The following CHORDC1 variants were observed in gnomAD, a reference collection of about 807,000 sequenced individuals.
The protein encoded by CHORDC1 is cysteine and histidine rich domain containing 1.
CHORDC1 carries 25 observed loss-of-function variants against 48.3 expected under a neutral mutation model. That is an observed-to-expected ratio of 0.52 (90% confidence interval 0.38 to 0.72). The LOEUF is 0.72. Among genes scored for constraint, CHORDC1 ranks in the 30% least tolerant of loss-of-function variants. CHORDC1 has a pLI of 0.00. For missense variants in CHORDC1, 317 were observed against 388.7 expected (o/e 0.82, Z 1.55); for synonymous variants, 128 against 126.4 (o/e 1.01, Z -0.09).
intron 6 of CHORDC1, 152 bp from the exon 7 acceptor site, chr11:90,206,424 T>C: frequency 1.8e-6 from 1 of 562,056 alleles, no homozygotes; most frequent in Non-Finnish European, 3.2e-6. Context: ...CGCCATTCTG[T>C]TAAAAAATGA....
chr11:90,207,078 C>G (rs1857716793), intron 6 of CHORDC1: 1 of 224,690 alleles, frequency 4.5e-6, no homozygotes, highest in Non-Finnish European at 9.1e-6. Flanking sequence ...TGGCACCGTA[C>G]AGACTCAGTT....
intron 2 of CHORDC1, among the ~76,000 whole-genome samples, chr11:90,215,885 C>G (rs1043542962): frequency 2.1e-4 from 32 of 152,112 alleles, no homozygotes; most frequent in African/African-American, 7.2e-4. Context: ...AATCTCAAAA[C>G]TTGGAACTTC....
chr11:90,202,958 A>G (rs1857578808), intron 9 of CHORDC1, 83 bp from the exon 10 acceptor site: 62 of 1,428,186 alleles, frequency 4.3e-5, no homozygotes, highest in Non-Finnish European at 5.8e-5. Context: ...AATAAGACTG[A>G]CAAAAATGAA....
At chr11:90,218,290 G>T (rs931886312) in intron 1 of CHORDC1, 106 bp from the exon 2 acceptor site, 2 of 737,776 alleles carry the variant, frequency 2.7e-6, no homozygotes, top group Non-Finnish European at 2.1e-6. Flanking sequence ...TTTTCCAAAC[G>T]CAAGTACCTT....
At chr11:90,205,255 CA>C (rs1857647767) in intron 8 of CHORDC1, among the ~76,000 whole-genome samples, 1 of 152,162 alleles carries the variant, frequency 6.6e-6, no homozygotes, top group Non-Finnish European at 1.5e-5. Context: ...ATGCTTGCAT[CA>C]AAACAGACAA....
At chr11:90,209,179 G>C (rs1411822068) in intron 6 of CHORDC1, 7 of 151,946 alleles carry the variant, frequency 4.6e-5, no homozygotes, top group African/African-American at 1.7e-4. Context: ...AAATACAATT[G>C]TATCTCCATT....
chr11:90,206,888 T>C (rs541181153), intron 6 of CHORDC1: 3 of 541,262 alleles, frequency 5.5e-6, no homozygotes, highest in East Asian at 6.8e-5. Context: ...TTTGTATTTA[T>C]AGCACTACCT....
intron 3 of CHORDC1, among the ~76,000 whole-genome samples, chr11:90,214,799 G>C (rs1484434965): frequency 6.6e-6 from 1 of 151,942 alleles, no homozygotes; most frequent in Non-Finnish European, 1.5e-5. Context: ...AGTTTTCTTA[G>C]TGGTATATAA....
intron 1 of CHORDC1, chr11:90,222,531 C>T: frequency 2.1e-6 from 1 of 473,106 alleles, no homozygotes; most frequent in Non-Finnish European, 4.0e-6. Context: ...ACCAGTACCT[C>T]GTTAATTTTT....
intron 2 of CHORDC1, among the ~76,000 whole-genome samples, chr11:90,215,904 A>G (rs999618478): frequency 3.3e-5 from 5 of 152,078 alleles, no homozygotes; most frequent in Admixed American, 1.3e-4. Context: ...TCAGATTAAG[A>G]TTTGGGACTA....
At chr11:90,212,495 A>T (rs1857899831) in intron 4 of CHORDC1, 1 of 152,034 alleles carries the variant, frequency 6.6e-6, no homozygotes, top group Non-Finnish European at 1.5e-5. Flanking sequence ...ATACACCTAT[A>T]GTTCCGGGGA....
chr11:90,210,465 G>T, intron 6 of CHORDC1, 71 bp downstream of exon 6: 2 of 910,232 alleles, frequency 2.2e-6, no homozygotes, highest in Non-Finnish European at 3.6e-6. Context: ...GTTGAATTGA[G>T]TCAGCAAACT....
At chr11:90,202,582 C>A in intron 10 of CHORDC1, 31 bp from the exon 11 acceptor site, 2 of 1,604,786 alleles carry the variant, frequency 1.2e-6, no homozygotes, top group Middle Eastern at 1.7e-4. Flanking sequence ...TTACAGGAAA[C>A]CTCAGTAGTT....
At position 90,200,712 on chromosome 11, in the gene CHORDC1, C is replaced by T. The variant is rs182535804; in HGVS notation, c.*1693G>A. Among the ~76,000 whole-genome samples, 231 of 151,990 alleles carry T rather than the reference C, an allele frequency of 1.5e-3. No homozygotes were observed. Among genetic ancestry groups the T allele is most frequent in the African/African-American group, 5.4e-3 (223 of 41,528 alleles). Reference sequence around the variant, plus strand: ...TAACTAATCTGAGGTTACAATAACTCACTGCTTCAAATAATATTTCAATTA... The same window carrying T: ...TAACTAATCTGAGGTTACAATAACTTACTGCTTCAAATAATATTTCAATTA... On this transcript the variant is annotated 3_prime_UTR_variant, in exon 11 of 11. Transcript: ENST00000320585.
At chr11:90,219,305 T>C (rs1858103569) in intron 1 of CHORDC1, among the ~76,000 whole-genome samples, 1 of 152,252 alleles carries the variant, frequency 6.6e-6, no homozygotes, top group East Asian at 1.9e-4. Flanking sequence ...CTACAGCCTA[T>C]TTTCTAGATT....
rs767005460 is a variant in CHORDC1 at position 90,213,441 on chromosome 11, A to G, written c.329+577T>C. The G allele has an allele frequency of 1.3e-4, 91 of 696,130 alleles. 2 individuals carry two copies. The highest frequency in any genetic ancestry group is 8.2e-4 in the South Asian group (54 of 66,210). 43.1% of individuals were successfully genotyped at this position (696,130 alleles called of 1,614,324 possible). A position where few individuals can be genotyped will look rare whatever the true frequency, so the allele number is the denominator to read the frequency against. On this transcript the variant is annotated intron_variant, in intron 4 of 10. Coordinates refer to ENST00000320585, the MANE Select transcript of CHORDC1 (RefSeq NM_012124.3). The stretch of plus-strand genomic sequence containing the variant: ...AAGACCTGGTTCAACAAAGGTACTC[A>G]ATATACATGTGTGGGAATACAGAGT...
intron 6 of CHORDC1, chr11:90,207,337 G>A (rs1232095806): frequency 6.5e-6 from 1 of 153,642 alleles, no homozygotes; most frequent in African/African-American, 2.4e-5. Flanking sequence ...TTACATCCAT[G>A]TCACACCTTA....
chr11:90,202,551 C>A lies in CHORDC1; in HGVS notation c.853G>T (p.Val285Leu). 1 of 1,612,600 alleles carries A rather than the reference C, an allele frequency of 6.2e-7. No homozygotes were observed. The highest frequency in any genetic ancestry group is 2.2e-5 in the East Asian group (1 of 44,860). ...ACATAACTTCGCTTTACATCAATCA[C>A]CTGTAACATATCAAAGAGAATTACA... ...EFDQNVKLWG[V>L]IDVKRSYVTM... is the part of the protein sequence containing the mutation. Residue 285 changes from valine to leucine, a missense_variant and splice_region_variant, in exon 11 of 11, where the codon GTG becomes TTG. Transcript: ENST00000320585.
At chr11:90,205,850 T>C (rs1857666042) in intron 7 of CHORDC1, 2 of 450,416 alleles carry the variant, frequency 4.4e-6, no homozygotes, top group Non-Finnish European at 3.9e-6. Flanking sequence ...CTTGGGATAA[T>C]GTTGTCTTAG....
Sources: allele counts gnomAD v4.1 joint callset (sites outside exome capture counted in the v4.1 genomes callset), GRCh38; gene constraint gnomAD v4.1.1; transcripts MANE v1.5; gene names NCBI Gene and HGNC (gene_info 2026-07-23, HGNC 2026-07-21).